Variants in RAP1GAP2 observed in about 807,000 individuals in gnomAD.
The protein encoded by RAP1GAP2 is rap1 GTPase-activating protein 2.
Under a neutral mutation model 95.0 loss-of-function variants are expected in RAP1GAP2, and 27 were observed. That is an observed-to-expected ratio of 0.28 (90% CI 0.21 to 0.39). RAP1GAP2 has a LOEUF of 0.39. Among genes scored for constraint, RAP1GAP2 ranks in the 10% least tolerant of loss-of-function variants. RAP1GAP2 has a pLI of 1.00. For synonymous variants in RAP1GAP2, 373 were observed against 380.9 expected, an observed-to-expected ratio of 0.98 and a Z score of 0.24; for missense variants, 771 against 970.0, an observed-to-expected ratio of 0.79 and a Z score of 2.72.
At chr17:2,842,639 TGC>T (rs1567700052) in intron 2 of RAP1GAP2, among the ~76,000 whole-genome samples, 1 of 151,378 alleles carries the variant, frequency 6.6e-6, no homozygotes, top group Non-Finnish European at 1.5e-5. Flanking sequence ...AAGCCGTGGG[TGC>T]CCTAAGAGAG....
At chr17:2,886,196 G>A (rs1283633763) in intron 2 of RAP1GAP2, among the ~76,000 whole-genome samples, 8 of 143,548 alleles carry the variant, frequency 5.6e-5, no homozygotes, top group Middle Eastern at 3.6e-3. Flanking sequence ...TTTTTGAGCC[G>A]GAGTCTCGCT....
intron 2 of RAP1GAP2, among the ~76,000 whole-genome samples, chr17:2,822,627 G>GTTTTTTTTTTTTTTTT (rs66503004): frequency 1.6e-5 from 2 of 127,848 alleles, no homozygotes; most frequent in Non-Finnish European, 3.4e-5. Context: ...GTTTTTTTTT[G>GTTTTTTTTTTTTTTTT]TTTTTTTTTT....
chr17:2,794,059 C>T (rs2069000996), upstream of RAP1GAP2, among the ~76,000 whole-genome samples: 2 of 148,350 alleles, frequency 1.3e-5, no homozygotes, highest in African/African-American at 5.0e-5. Context: ...TGCCACTGCA[C>T]TCCAGCCTGG....
At position 3,005,997 on chromosome 17, in the gene RAP1GAP2, G is replaced by A. The variant is rs756575370; in HGVS notation, c.1315G>A (p.Ala439Thr). 6 of 1,613,920 alleles carry A rather than the reference G, an allele frequency of 3.7e-6. No homozygotes were observed. Among genetic ancestry groups the A allele is most frequent in the Non-Finnish European group, 4.2e-6 (5 of 1,179,874 alleles). ...REFLLTKLTNAENACCKSDKF... is the reference protein window; with the variant it reads ...REFLLTKLTNTENACCKSDKF... ...GTTTCTGCTCACCAAGCTCACCAATGCCGAGAACGCCTGCTGCAAGTCGGA... is the reference window on the plus strand; with the variant it reads ...GTTTCTGCTCACCAAGCTCACCAATACCGAGAACGCCTGCTGCAAGTCGGA... The change falls in exon 16 of 25, where the codon GCC (alanine) becomes ACC (threonine). Residue 439 changes from alanine (A) to threonine (T), a missense_variant. Transcript: ENST00000254695. This position sits in a 1 kb window ranked among gnomAD's most constrained non-coding sequence, Gnocchi z 5.2.
intron 3 of RAP1GAP2, among the ~76,000 whole-genome samples, chr17:2,931,050 AGGCAGG>A (rs2043128373): frequency 7.4e-6 from 1 of 135,572 alleles, no homozygotes; most frequent in Non-Finnish European, 1.5e-5. Flanking sequence ...TGAACCTGGG[AGGCAGG>A]GGCTGCAGTG....
intron 2 of RAP1GAP2, among the ~76,000 whole-genome samples, chr17:2,806,064 TG>T (rs1198234188): frequency 6.6e-6 from 1 of 152,200 alleles, no homozygotes; most frequent in Non-Finnish European, 1.5e-5. Context: ...CTGTGCTCTG[TG>T]ATTTCTTCCC....
chr17:2,757,207 C>T (rs987764334), intron 1 of RAP1GAP2, among the ~76,000 whole-genome samples: 1 of 152,220 alleles, frequency 6.6e-6, no homozygotes, highest in Non-Finnish European at 1.5e-5. Context: ...CAGCCTCCAC[C>T]TCCCAGGCTC....
At chr17:2,845,188 G>A (rs2071533990) in intron 2 of RAP1GAP2, among the ~76,000 whole-genome samples, 3 of 152,164 alleles carry the variant, frequency 2.0e-5, no homozygotes, top group Non-Finnish European at 2.9e-5. Flanking sequence ...TGTTGCTCAC[G>A]CTGGAGTGCA....
Position 2,789,992 on chromosome 17 carries a change from G to A in RAP1GAP2, c.-13-10523G>A, listed in dbSNP as rs150886229. On this transcript the variant is annotated intron_variant, in intron 1 of 24. Coordinates refer to the RAP1GAP2 transcript ENST00000540393. ...GTGGACTGTAAATCACTATGCAGATGCTAGGTGCTGTTTTTATCTTGACCC... is the reference window on the plus strand; with the variant it reads ...GTGGACTGTAAATCACTATGCAGATACTAGGTGCTGTTTTTATCTTGACCC... Among the ~76,000 whole-genome samples, 495 of 152,194 alleles carry A rather than the reference G, an allele frequency of 3.3e-3. 2 individuals are homozygous for A. Among genetic ancestry groups the A allele is most frequent in the Middle Eastern group, 6.8e-3 (2 of 294 alleles).
chr17:2,849,547 A>AG (rs1423067736), intron 2 of RAP1GAP2, among the ~76,000 whole-genome samples: 11 of 152,188 alleles, frequency 7.2e-5, no homozygotes, highest in Non-Finnish European at 4.4e-5. Context: ...CGGGCTGTGC[A>AG]GCTGTCTGCG....
chr17:2,980,507 T>C (rs2045317106), intron 9 of RAP1GAP2, 142 bp downstream of exon 9: 1 of 793,406 alleles, frequency 1.3e-6, no homozygotes, highest in Non-Finnish European at 2.1e-6. Flanking sequence ...TTGACTGCAC[T>C]GATAGGGGTC....
chr17:2,964,138 C>T, intron 7 of RAP1GAP2, 70 bp downstream of exon 7: 1 of 1,406,776 alleles, frequency 7.1e-7, no homozygotes, highest in South Asian at 1.3e-5. Flanking sequence ...AGAGGAGGTA[C>T]CAGGCGGTAG....
rs2072187549 is a variant in RAP1GAP2, at chr17:2,857,420, TG to T, written c.81-47862del. ...GAACTAGGAGACTCCCAGCTAGTCTTGGTAGTTCCCAAGAACTGTGCTCCAG... is the reference window on the plus strand; with the variant it reads ...GAACTAGGAGACTCCCAGCTAGTCTTGTAGTTCCCAAGAACTGTGCTCCAG... On this transcript the variant is annotated intron_variant, in intron 2 of 24. Coordinates refer to ENST00000254695, the MANE Select transcript of RAP1GAP2 (RefSeq NM_015085.5). This position sits in a 1 kb window ranked among gnomAD's most constrained non-coding sequence, Gnocchi z 4.0. 6.6e-6 allele frequency among the ~76,000 whole-genome samples: 1 copy of T among 152,166 alleles called. No homozygotes were observed. Among genetic ancestry groups the T allele is most frequent in the Non-Finnish European group, 1.5e-5 (1 of 68,022 alleles).
chr17:3,008,083 C>T lies in RAP1GAP2; in HGVS notation c.1432C>T (p.Leu478=), dbSNP rs1484881594. Residue 478 remains leucine, a synonymous_variant, in exon 17 of 25, where the codon CTG becomes TTG. Coordinates refer to ENST00000254695, the MANE Select transcript of RAP1GAP2 (RefSeq NM_015085.5). This position sits in a 1 kb window ranked among gnomAD's most constrained non-coding sequence, Gnocchi z 4.2. ...CGCCCACACACAGGCCATGCTGGGA[C>T]TGGGCCCAGAGGAGGACAAGTTTGA... ...LHAHTQAMLG[L]GPEEDKFENG... is the part of the protein sequence containing the mutation. 2.5e-6 allele frequency: 4 copies of T among 1,613,880 alleles called. No individual in the cohort carries two copies. The African/African-American group carries it at 5.3e-5, about 22-fold the overall frequency.
At chr17:3,031,961 T>G (rs1172255535) in intron 23 of RAP1GAP2, among the ~76,000 whole-genome samples, 44 of 110,666 alleles carry the variant, frequency 4.0e-4, no homozygotes, top group Middle Eastern at 8.6e-3. Context: ...AGGTGGAAGG[T>G]GCTGGTTCCT....
At chr17:2,989,294 G>A (rs894242380) in intron 11 of RAP1GAP2, among the ~76,000 whole-genome samples, 6 of 152,086 alleles carry the variant, frequency 3.9e-5, no homozygotes, top group Admixed American at 2.0e-4. Flanking sequence ...CTTTTCATGT[G>A]CTTATTTGCC....
At chr17:2,771,875 C>T (rs956671359) in intron 2 of RAP1GAP2, among the ~76,000 whole-genome samples, 1 of 152,130 alleles carries the variant, frequency 6.6e-6, no homozygotes, top group Admixed American at 6.6e-5. Context: ...AGATAAGTGA[C>T]TGAATTCATT....
intron 2 of RAP1GAP2, among the ~76,000 whole-genome samples, chr17:2,771,479 C>CT (rs775623366): frequency 1.3e-3 from 169 of 131,684 alleles, no homozygotes; most frequent in African/African-American, 2.5e-3. Flanking sequence ...ATCAAAGCCA[C>CT]TTTTTTGTTT....
At chr17:2,860,882 A>T (rs138425838) in intron 2 of RAP1GAP2, among the ~76,000 whole-genome samples, 8 of 152,202 alleles carry the variant, frequency 5.3e-5, no homozygotes, top group Middle Eastern at 3.4e-3. Context: ...TTGGAATTAC[A>T]GGTGTGAGTC....
Sources: allele counts gnomAD v4.1 joint callset (sites outside exome capture counted in the v4.1 genomes callset), GRCh38; gene constraint gnomAD v4.1.1; non-coding constraint Gnocchi (gnomAD v3.1); transcripts MANE v1.5; gene names NCBI Gene and HGNC (gene_info 2026-07-23, HGNC 2026-07-21).